DCC: variants seen among roughly 807,000 people sequenced by gnomAD.
DCC encodes netrin receptor DCC.
DCC carries 58 observed loss-of-function variants against 172.5 expected under a neutral mutation model. The ratio of observed to expected loss-of-function variants is 0.34; its 90% CI spans 0.27 to 0.42. The LOEUF is 0.42. Among genes scored for constraint, DCC ranks in the 10% least tolerant of loss-of-function variants. DCC has a pLI of 1.00. For missense variants in DCC, 1,740 were observed against 1,791.0 expected, an observed-to-expected ratio of 0.97 and a Z score of 0.51; for synonymous variants, 709 against 644.5, an observed-to-expected ratio of 1.10 and a Z score of -1.52.
In DCC at chr18:52,406,152, A is replaced by T. The variant is rs1247974634; in HGVS notation, c.91+65274A>T. Among the ~76,000 whole-genome samples, 5 of 150,026 alleles carry T rather than the reference A, an allele frequency of 3.3e-5. No homozygotes were observed. In the East Asian group the frequency reaches 7.9e-4, roughly 24 times the overall value. On this transcript the variant is annotated intron_variant, in intron 1 of 28. Transcript: ENST00000442544. ...AGCTGAAACTGGATCCCTTCCTTAC[A>T]CCTTATACAAAAATCAATTCAAGTT...
At chr18:53,206,073 T>TA in intron 10 of DCC, among the ~76,000 whole-genome samples, 1 of 5,748 alleles carries the variant, frequency 1.7e-4, no homozygotes, top group South Asian at 0.012. Context: ...AATACATATA[T>TA]ATTACATATA....
At chr18:52,974,697 G>T (rs554304148) in intron 5 of DCC, among the ~76,000 whole-genome samples, 1 of 152,286 alleles carries the variant, frequency 6.6e-6, no homozygotes, top group South Asian at 2.1e-4. Context: ...TTTTCCACTT[G>T]CAATGTAGAC....
chr18:52,680,132 G>A (rs2035720121), intron 1 of DCC, among the ~76,000 whole-genome samples: 1 of 152,070 alleles, frequency 6.6e-6, no homozygotes, highest in South Asian at 2.1e-4. Flanking sequence ...TGGGTTCTTG[G>A]GACTGAGCAG....
chr18:53,392,125 C>G (rs1413531216), intron 17 of DCC, among the ~76,000 whole-genome samples: 1 of 152,012 alleles, frequency 6.6e-6, no homozygotes, highest in African/African-American at 2.4e-5. Context: ...TGCTTTTCAC[C>G]AGATGCTGAG....
At chr18:52,545,021 G>T (rs189075393) in intron 1 of DCC, among the ~76,000 whole-genome samples, 16 of 152,304 alleles carry the variant, frequency 1.1e-4, no homozygotes, top group Admixed American at 9.2e-4. Context: ...CAGTTCAGAG[G>T]TGTGTGATAA....
chr18:53,135,841 CTAAT>C lies in DCC; in HGVS notation c.1262-21513_1262-21510del, dbSNP rs544737182. Among the ~76,000 whole-genome samples, 215 of 152,262 alleles carry C rather than the reference CTAAT, an allele frequency of 1.4e-3. 1 individual carries two copies. The highest frequency in any genetic ancestry group is 4.9e-3 in the African/African-American group (202 of 41,554). On this transcript the variant is annotated intron_variant, in intron 7 of 28. Coordinates refer to ENST00000442544, the MANE Select transcript of DCC (RefSeq NM_005215.4). ...ATTTTTGCACTATTTTTCTACTTGACTAATTGATTATGACAGGTGTCACCCAAGC... is the reference window on the plus strand; with the variant it reads ...ATTTTTGCACTATTTTTCTACTTGACTGATTATGACAGGTGTCACCCAAGC...
intron 2 of DCC, among the ~76,000 whole-genome samples, chr18:52,787,946 T>A (rs952202557): frequency 1.6e-4 from 24 of 152,290 alleles, no homozygotes; most frequent in East Asian, 1.5e-3. Flanking sequence ...TTTCATATAA[T>A]CTTAACCAAG....
chr18:53,392,747 A>G (rs1013097767), intron 17 of DCC, among the ~76,000 whole-genome samples: 4 of 152,236 alleles, frequency 2.6e-5, no homozygotes, highest in African/African-American at 9.6e-5. Flanking sequence ...GTTTATTTTG[A>G]AAGAAAACAT....
At chr18:53,358,087 A>G (rs1362054653) in intron 15 of DCC, among the ~76,000 whole-genome samples, 2 of 152,088 alleles carry the variant, frequency 1.3e-5, no homozygotes, top group East Asian at 1.9e-4. Context: ...CTGTGTGCCA[A>G]TAGTTTGTCC....
chr18:52,917,137 C>CAAAAAAA (rs146388621), intron 3 of DCC, among the ~76,000 whole-genome samples: 2 of 94,820 alleles, frequency 2.1e-5, no homozygotes, highest in African/African-American at 7.4e-5. Flanking sequence ...AAAAAGAAAA[C>CAAAAAAA]AAAAAAAAAA....
chr18:52,670,859 C>A (rs2035539457), intron 1 of DCC, among the ~76,000 whole-genome samples: 1 of 151,574 alleles, frequency 6.6e-6, no homozygotes, highest in Non-Finnish European at 1.5e-5. Flanking sequence ...AAAAAAAAAT[C>A]CTAAAAGCTA....
intron 1 of DCC, among the ~76,000 whole-genome samples, chr18:52,439,952 G>T (rs973064892): frequency 6.6e-6 from 1 of 152,110 alleles, no homozygotes; most frequent in African/African-American, 2.4e-5. Context: ...AATAAACGGG[G>T]CATAGCTGTT....
chr18:53,407,528 G>GAGATATAT (rs1555666923), intron 19 of DCC, among the ~76,000 whole-genome samples: 1 of 117,438 alleles, frequency 8.5e-6, no homozygotes, highest in Non-Finnish European at 1.8e-5. Flanking sequence ...TTTTATTCTG[G>GAGATATAT]ATATATATAT....
chr18:52,582,424 C>A (rs1201031354), intron 1 of DCC, among the ~76,000 whole-genome samples: 2 of 152,142 alleles, frequency 1.3e-5, no homozygotes, highest in East Asian at 1.9e-4. Context: ...AATCTCCCTA[C>A]TCACAGTTCT....
intron 1 of DCC, among the ~76,000 whole-genome samples, chr18:52,645,571 A>G (rs564179930): frequency 6.6e-6 from 1 of 152,364 alleles, no homozygotes; most frequent in South Asian, 2.1e-4. Context: ...TCAAGAGATA[A>G]CATTTTTACC....
chr18:53,234,272 T>C (rs141433839), intron 12 of DCC, among the ~76,000 whole-genome samples: 284 of 149,804 alleles, frequency 1.9e-3, no homozygotes, highest in African/African-American at 6.5e-3. Flanking sequence ...AAATAAAAAA[T>C]ACAAAAATTA....
At chr18:53,029,534 C>T (rs116216656) in intron 5 of DCC, among the ~76,000 whole-genome samples, 2,179 of 152,268 alleles carry the variant, frequency 0.014, 58 homozygotes, top group African/African-American at 0.05. Flanking sequence ...TAGCCTTTAC[C>T]ATACTTCATG....
At chr18:53,212,267 C>T (rs1041189406) in intron 11 of DCC, among the ~76,000 whole-genome samples, 8 of 152,044 alleles carry the variant, frequency 5.3e-5, no homozygotes, top group African/African-American at 1.9e-4. Context: ...CTTGAATGGA[C>T]CTATTTATTA....
At position 52,949,977 on chromosome 18, in the gene DCC, A is replaced by G. The variant is rs184089096; in HGVS notation, c.985+24607A>G. 1.3e-3 allele frequency among the ~76,000 whole-genome samples: 200 copies of G among 152,292 alleles called. 1 individual carries two copies. The highest frequency in any genetic ancestry group is 8.9e-3 in the South Asian group (43 of 4,828). ...TCAGGGACATCTCACCTATTTGACA[A>G]TTATTTATTGAGGACCTATGTACAC... On this transcript the variant is annotated intron_variant, in intron 5 of 28. Transcript: ENST00000442544.
Sources: allele counts gnomAD v4.1 joint callset (sites outside exome capture counted in the v4.1 genomes callset), GRCh38; gene constraint gnomAD v4.1.1; transcripts MANE v1.5; gene names NCBI Gene and HGNC (gene_info 2026-07-23, HGNC 2026-07-21).